The following MALT1 variants were observed in gnomAD, a reference collection of about 807,000 sequenced individuals.
MALT1 encodes the protein mucosa-associated lymphoid tissue lymphoma translocation protein 1.
MALT1 carries 36 observed loss-of-function variants against 85.5 expected under a neutral mutation model. The ratio of observed to expected loss-of-function variants is 0.42; its 90% CI spans 0.32 to 0.56. The LOEUF (loss-of-function observed/expected upper bound fraction) is 0.56, where lower values mean the gene tolerates loss of function less well. Among genes scored for constraint, MALT1 ranks in the 20% least tolerant of loss-of-function variants. The pLI, the probability that MALT1 is intolerant of heterozygous loss-of-function variation, is 0.10. For synonymous variants in MALT1, 359 were observed against 361.3 expected (o/e 0.99, Z 0.07); for missense variants, 716 against 981.6 (o/e 0.73, Z 3.62).
At chr18:58,723,579 G>A (rs556560748) in intron 10 of MALT1, among the ~76,000 whole-genome samples, 27 of 151,958 alleles carry the variant, frequency 1.8e-4, no homozygotes, top group Non-Finnish European at 3.1e-4. Context: ...ATTCATATGC[G>A]TAAAATATTA....
rs878922810 is a variant in MALT1, at chr18:58,745,654, T to A, written c.1912-12T>A. On this transcript the variant is annotated splice_polypyrimidine_tract_variant and intron_variant, in intron 15 of 16. Coordinates refer to ENST00000649217, the MANE Select transcript of MALT1 (RefSeq NM_006785.4). ...TTTCATTATTAACAGTCCCTAATTT[T>A]TTTTTTTACAGGATCTAGATATTGA... The A allele has an allele frequency of 6.2e-7, 1 of 1,606,192 alleles. No individual in the cohort carries two copies. The highest frequency in any genetic ancestry group is 1.7e-4 in the Middle Eastern group (1 of 6,012).
chr18:58,675,553 A>T (rs1013722533), intron 1 of MALT1: 10 of 152,240 alleles, frequency 6.6e-5, no homozygotes, highest in Admixed American at 6.5e-4. Context: ...TCGAGGCTGC[A>T]GTGAGCCTCA....
Position 58,749,200 on chromosome 18 carries a change from A to G in MALT1, c.*1358A>G, listed in dbSNP as rs1000354024. ...TTCTCCCATAAACACTGAATTAAAT[A>G]TGGAACAACTGCTTTTAGGAGAAAG... On this transcript the variant is annotated 3_prime_UTR_variant, in exon 17 of 17. Coordinates refer to ENST00000649217, the MANE Select transcript of MALT1 (RefSeq NM_006785.4). 9.2e-6 allele frequency: 2 copies of G among 217,208 alleles called. No homozygotes were observed. Among genetic ancestry groups the G allele is most frequent in the African/African-American group, 4.5e-5 (2 of 44,396 alleles). The allele number at this position is 217,208 out of a possible 1,614,324, so 13.5% of individuals were successfully genotyped here. A position where few individuals can be genotyped will look rare whatever the true frequency, so the allele number is the denominator to read the frequency against.
chr18:58,694,359 A>G (rs1051369774), intron 2 of MALT1, among the ~76,000 whole-genome samples: 3 of 151,962 alleles, frequency 2.0e-5, no homozygotes, highest in Admixed American at 1.3e-4. Context: ...AGTACCTTTG[A>G]TGTATTAAGA....
At chr18:58,727,111 A>G (rs2055066240) in intron 10 of MALT1, among the ~76,000 whole-genome samples, 1 of 152,258 alleles carries the variant, frequency 6.6e-6, no homozygotes, top group South Asian at 2.1e-4. Flanking sequence ...AAAATATTGT[A>G]CCTATTATTG....
chr18:58,685,545 C>T (rs2054389377), intron 2 of MALT1, among the ~76,000 whole-genome samples: 1 of 152,158 alleles, frequency 6.6e-6, no homozygotes. Context: ...AGAGCAGTTT[C>T]TGTGATGAGG....
intron 13 of MALT1, 29 bp downstream of exon 13, chr18:58,735,358 T>C: frequency 1.3e-6 from 2 of 1,578,172 alleles, no homozygotes; most frequent in Non-Finnish European, 1.7e-6. Flanking sequence ...AGAAAAGTAC[T>C]CAGAAAAAGG....
chr18:58,735,073 CCA>C (rs2055206466), intron 12 of MALT1, 127 bp from the exon 13 acceptor site: 1 of 674,516 alleles, frequency 1.5e-6, no homozygotes, highest in Middle Eastern at 4.1e-4. Flanking sequence ...CCACCCCCCC[CCA>C]GCCTCTGGTA....
chr18:58,704,293 C>G (rs1304498347), intron 4 of MALT1, among the ~76,000 whole-genome samples: 1 of 152,152 alleles, frequency 6.6e-6, no homozygotes, highest in African/African-American at 2.4e-5. Flanking sequence ...CCACCAACAG[C>G]GTATAAGATT....
chr18:58,706,495 A>G (rs2054753897), intron 4 of MALT1, among the ~76,000 whole-genome samples: 2 of 152,198 alleles, frequency 1.3e-5, no homozygotes, highest in Admixed American at 1.3e-4. Context: ...TAAAATATTC[A>G]CTGACATAGT....
chr18:58,732,486 A>T (rs1403806262), intron 10 of MALT1, among the ~76,000 whole-genome samples: 1 of 152,206 alleles, frequency 6.6e-6, no homozygotes, highest in Non-Finnish European at 1.5e-5. Flanking sequence ...GCAAAAAGAA[A>T]AAATAGCAAT....
intron 8 of MALT1, among the ~76,000 whole-genome samples, chr18:58,714,821 C>CT (rs2054878391): frequency 6.6e-6 from 1 of 152,086 alleles, no homozygotes. Flanking sequence ...AAAATAAAAC[C>CT]TTTCAGGAAT....
chr18:58,710,761 C>T (rs1194494161), intron 6 of MALT1, among the ~76,000 whole-genome samples, 160 bp from the exon 7 acceptor site: 1 of 152,142 alleles, frequency 6.6e-6, no homozygotes, highest in Non-Finnish European at 1.5e-5. Context: ...TATATTTCAG[C>T]TTAATATATT....
intron 10 of MALT1, 54 bp downstream of exon 10, chr18:58,723,305 A>C: frequency 3.6e-6 from 5 of 1,382,454 alleles, no homozygotes; most frequent in Non-Finnish European, 5.1e-6. Context: ...TTTTCATTAT[A>C]CAAGTTAGGT....
intron 2 of MALT1, among the ~76,000 whole-genome samples, chr18:58,682,499 C>T (rs1165002718): frequency 1.3e-5 from 2 of 152,222 alleles, no homozygotes; most frequent in Admixed American, 1.3e-4. Flanking sequence ...CTCCACATAG[C>T]GCAAGACGTC....
chr18:58,713,983 T>C (rs2054867021), intron 7 of MALT1, 100 bp from the exon 8 acceptor site: 1 of 631,020 alleles, frequency 1.6e-6, no homozygotes, highest in East Asian at 2.9e-5. Context: ...TAAAACACTA[T>C]AACATGATTC....
In MALT1 at chr18:58,754,403, C is replaced by T. The variant is rs1423391635; in HGVS notation, c.*6561C>T. 2.0e-5 allele frequency: 3 copies of T among 152,322 alleles called. No individual in the cohort carries two copies. Among genetic ancestry groups the T allele is most frequent in the East Asian group, 1.9e-4 (1 of 5,190 alleles). The allele number at this position is 152,322 out of a possible 1,614,324, so 9.4% of individuals were successfully genotyped here. A position where few individuals can be genotyped will look rare whatever the true frequency, so the allele number is the denominator to read the frequency against. On this transcript the variant is annotated 3_prime_UTR_variant, in exon 17 of 17. Coordinates refer to ENST00000649217, the MANE Select transcript of MALT1 (RefSeq NM_006785.4). ...CTGAAGTTAATGTTGCTACATTATG[C>T]TCAATACAGCAGGCTGTTCTGCTAG...
intron 9 of MALT1, among the ~76,000 whole-genome samples, chr18:58,721,102 A>G (rs2054976020): frequency 6.6e-6 from 1 of 152,238 alleles, no homozygotes; most frequent in East Asian, 1.9e-4. Context: ...TAAAAAGGCC[A>G]GGCGTGGTGG....
intron 14 of MALT1, 125 bp downstream of exon 14, chr18:58,742,139 C>A (rs767415741): frequency 6.3e-5 from 36 of 569,818 alleles, no homozygotes; most frequent in Non-Finnish European, 9.6e-5. Flanking sequence ...CTAGGCAAAT[C>A]TCAAACCAAA....
Sources: gnomAD v4.1 joint callset for allele counts (sites outside exome capture counted in the v4.1 genomes callset) on GRCh38, gnomAD v4.1.1 for gene constraint, MANE v1.5 for transcripts, NCBI Gene and HGNC (gene_info 2026-07-23, HGNC 2026-07-21) for gene names.